The following TRIM43 variants were observed in gnomAD, a reference collection of about 807,000 sequenced individuals.
The protein encoded by TRIM43 is tripartite motif-containing protein 43.
Under a neutral mutation model 27.7 loss-of-function variants are expected in TRIM43, and 12 were observed. The ratio of observed to expected loss-of-function variants is 0.43; its 90% confidence interval spans 0.28 to 0.70. TRIM43 has a LOEUF of 0.70. TRIM43 is among the 30% of genes least tolerant of loss of function. TRIM43 has a pLI of 0.17. For missense variants in TRIM43, 186 were observed against 356.5 expected (o/e 0.52, Z 3.85); for synonymous variants, 64 against 121.9 (o/e 0.52, Z 3.13).
In TRIM43 at chr2:95,594,393, C is replaced by T; in HGVS notation, c.370C>T (p.His124Tyr). ...CTCCAACTCTCAGGAGCACGGGGCT[C>T]ACAAACACCATCCCATCGAAGAGGC... ...LCSNSQEHGA[H>Y]KHHPIEEAAE... The change falls in exon 2 of 7, where the codon CAC becomes TAC. Residue 124 changes from histidine (H) to tyrosine (Y), a missense_variant. His to Tyr is a moderately conservative substitution (Grantham distance 83). This residue lies in a region of TRIM43 where 91 missense variants were observed against 119.3 expected (regional missense o/e 0.76). Coordinates refer to ENST00000272395, the MANE Select transcript of TRIM43 (RefSeq NM_138800.3). 6 of 1,610,956 alleles carry T rather than the reference C, an allele frequency of 3.7e-6. No individual in the cohort carries two copies. Among genetic ancestry groups the T allele is most frequent in the Middle Eastern group, 2.3e-4 (1 of 4,438 alleles).
chr2:95,595,162 G>T lies in TRIM43; in HGVS notation c.507+17G>T. 3 of 1,596,796 alleles carry T rather than the reference G, an allele frequency of 1.9e-6. No homozygotes were observed. The highest frequency in any genetic ancestry group is 2.6e-6 in the Non-Finnish European group (3 of 1,169,672). On this transcript the variant is annotated intron_variant, in intron 3 of 6. Transcript: ENST00000272395. ...CTCTGGAGGGTAAGTATGAGACCGT[G>T]AGTCCTCCTGACCAGCTTGAGACAG...
Position 95,596,189 on chromosome 2 carries a change from C to T in TRIM43, c.508-13C>T. 1.2e-6 allele frequency: 2 copies of T among 1,608,748 alleles called. No individual in the cohort carries two copies. Among genetic ancestry groups the T allele is most frequent in the Non-Finnish European group, 1.7e-6 (2 of 1,178,006 alleles). On this transcript the variant is annotated splice_polypyrimidine_tract_variant and intron_variant, in intron 3 of 6. Transcript: ENST00000272395. ...GCCTGGGTATATAACCTACAAAATTCATATCCCTACAGGGCAATGTGGTTT... is the reference window on the plus strand; with the variant it reads ...GCCTGGGTATATAACCTACAAAATTTATATCCCTACAGGGCAATGTGGTTT...
intron 1 of TRIM43, among the ~76,000 whole-genome samples, chr2:95,593,045 C>T (rs570255942): frequency 1.3e-5 from 2 of 151,678 alleles, no homozygotes; most frequent in African/African-American, 4.8e-5. Context: ...TACAGGCGTC[C>T]TCCACCACTC....
chr2:95,595,782 G>A (rs1685345970), intron 3 of TRIM43, among the ~76,000 whole-genome samples: 1 of 151,324 alleles, frequency 6.6e-6, no homozygotes, highest in African/African-American at 2.4e-5. Flanking sequence ...TTGAGAGATG[G>A]GGGTTAAATT....
At chr2:95,595,404 T>C (rs536379820) in intron 3 of TRIM43, among the ~76,000 whole-genome samples, 59 of 151,814 alleles carry the variant, frequency 3.9e-4, no homozygotes, top group African/African-American at 1.2e-3. Flanking sequence ...GAGTTTTCTG[T>C]ATAAAATTAA....
rs772296746 is a variant in TRIM43 at position 95,594,275 on chromosome 2, A to G, written c.252A>G (p.Gln84=). 4 of 1,608,672 alleles carry G rather than the reference A, an allele frequency of 2.5e-6. No homozygotes were observed. In the African/African-American group the frequency reaches 4.0e-5, roughly 16 times the overall value. ...VTIARKASLW[Q]FLSSEKQICG... ...TTGCCAGAAAAGCCAGTCTCTGGCA[A>G]TTCCTGAGCTCTGAGAAACAAATAT... Residue 84 remains glutamine, a synonymous_variant, in exon 2 of 7, where the codon CAA becomes CAG. Transcript: ENST00000272395.
rs939457559 is a variant in TRIM43, at chr2:95,596,249, G to A, written c.555G>A (p.Lys185=). The change falls in exon 4 of 7, where the codon AAG becomes AAA. Residue 185 remains lysine (K), a synonymous_variant. Coordinates refer to ENST00000272395, the MANE Select transcript of TRIM43 (RefSeq NM_138800.3). ...AGATGATCAGGAATGAGTATAGGAA[G>A]CTGCATCCGGTTCTCCATAAGGAAG... ...RAQMIRNEYR[K]LHPVLHKEEK... is the part of the protein sequence containing the mutation. 20 of 1,610,956 alleles carry A rather than the reference G, an allele frequency of 1.2e-5. 2 individuals carry two copies. Among genetic ancestry groups the A allele is most frequent in the Non-Finnish European group, 1.5e-5 (18 of 1,178,764 alleles).
rs1352195676 is a variant in TRIM43, at chr2:95,594,458, C to T, written c.411+24C>T. 3 of 1,604,924 alleles carry T rather than the reference C, an allele frequency of 1.9e-6. No homozygotes were observed. In the South Asian group the frequency reaches 3.4e-5, roughly 18 times the overall value. ...GGGTAAGAGATAGCTCTGTGATCACCTGAAAGCTGGAGGGTGGCAGAGTTA... is the reference window on the plus strand; with the variant it reads ...GGGTAAGAGATAGCTCTGTGATCACTTGAAAGCTGGAGGGTGGCAGAGTTA... On this transcript the variant is annotated intron_variant, in intron 2 of 6. Coordinates refer to ENST00000272395, the MANE Select transcript of TRIM43 (RefSeq NM_138800.3).
In TRIM43 at chr2:95,599,595, G is replaced by C. The variant is rs1685370364; in HGVS notation, c.*22G>C. On this transcript the variant is annotated 3_prime_UTR_variant, in exon 7 of 7. Transcript: ENST00000272395. ...ATGATCAGGATTAAGAAAACTTACT[G>C]TTTGGGAACTCCATATACAAGGGAG... 8.9e-7 allele frequency: 1 copy of C among 1,125,958 alleles called. No homozygotes were observed. The highest frequency in any genetic ancestry group is 3.3e-5 in the Admixed American group (1 of 30,092). 69.7% of individuals were successfully genotyped at this position (1,125,958 alleles called of 1,614,324 possible).
At chr2:95,593,953 C>T in intron 1 of TRIM43, 67 bp from the exon 2 acceptor site, 2 of 1,550,028 alleles carry the variant, frequency 1.3e-6, no homozygotes, top group Non-Finnish European at 1.7e-6. Flanking sequence ...CGATCTGATT[C>T]AAACTTTGCT....
Position 95,592,021 on chromosome 2 carries a change from G to A in TRIM43, c.-133G>A, listed in dbSNP as rs889652495. 6.6e-6 allele frequency: 1 copy of A among 151,138 alleles called. No homozygotes were observed. Among genetic ancestry groups the A allele is most frequent in the African/African-American group, 2.4e-5 (1 of 41,068 alleles). 9.4% of individuals were successfully genotyped at this position (151,138 alleles called of 1,614,324 possible). A position where few individuals can be genotyped will look rare whatever the true frequency, so the allele number is the denominator to read the frequency against. ...AGCTCATTCTTCTCCAGAGCCCACAGAGTAGCTTTGCAACTGGCTTTGGGG... is the reference window on the plus strand; with the variant it reads ...AGCTCATTCTTCTCCAGAGCCCACAAAGTAGCTTTGCAACTGGCTTTGGGG... On this transcript the variant is annotated 5_prime_UTR_variant, in exon 1 of 7. Transcript: ENST00000272395.
At chr2:95,592,702 G>T (rs1166064178) in intron 1 of TRIM43, among the ~76,000 whole-genome samples, 2 of 150,350 alleles carry the variant, frequency 1.3e-5, no homozygotes, top group Non-Finnish European at 3.0e-5. Flanking sequence ...AGTATTTTTA[G>T]AGACAGGATG....
chr2:95,592,975 C>G (rs1225731898), intron 1 of TRIM43, among the ~76,000 whole-genome samples: 1 of 151,528 alleles, frequency 6.6e-6, no homozygotes, highest in Non-Finnish European at 1.5e-5. Context: ...CGGCTCACTG[C>G]AAGCTCCGCC....
At chr2:95,594,472 G>A (rs1685318901) in intron 2 of TRIM43, 38 bp downstream of exon 2, 1 of 1,597,900 alleles carries the variant, frequency 6.3e-7, no homozygotes, top group South Asian at 1.1e-5. Context: ...AAGCTGGAGG[G>A]TGGCAGAGTT....
At position 95,594,186 on chromosome 2, in the gene TRIM43, T is replaced by G. The variant is rs369223046; in HGVS notation, c.163T>G (p.Cys55Gly). 1 of 1,611,404 alleles carries G rather than the reference T, an allele frequency of 6.2e-7. No individual in the cohort carries two copies. The highest frequency in any genetic ancestry group is 8.5e-7 in the Non-Finnish European group (1 of 1,178,656). ...CCAAAGTCCTGCAAACTGCCCTGCA[T>G]GCAGGGAACCATCACCGAAAATGGA... is the stretch of plus-strand genomic sequence containing the variant. The part of the protein sequence containing the change: ...EAQSPANCPA[C>G]REPSPKMDFK... Residue 55 changes from cysteine to glycine, a missense_variant, in exon 2 of 7, where the codon TGC becomes GGC. Transcript: ENST00000272395.
chr2:95,596,161 T>C (rs1489325354), intron 3 of TRIM43, 41 bp from the exon 4 acceptor site: 10 of 1,601,324 alleles, frequency 6.2e-6, no homozygotes, highest in Non-Finnish European at 7.7e-6. Context: ...GAGGTGGAAG[T>C]AGGCCTGGGT....
intron 3 of TRIM43, among the ~76,000 whole-genome samples, chr2:95,595,506 A>G (rs1019989917): frequency 6.6e-6 from 1 of 151,380 alleles, no homozygotes; most frequent in African/African-American, 2.4e-5. Context: ...ATCGGGTGGG[A>G]ACAGTAATTT....
rs763305731 is a variant in TRIM43 at position 95,595,023 on chromosome 2, T to C, written c.412-27T>C. 6.3e-6 allele frequency: 10 copies of C among 1,599,676 alleles called. No homozygotes were observed. The African/African-American group carries it at 9.4e-5, about 15-fold the overall frequency. ...GGAATCTTTGGCATTTGACTTTCTGTTGTTCAACCTTGTAATTCTTTTGCA... is the reference window on the plus strand; with the variant it reads ...GGAATCTTTGGCATTTGACTTTCTGCTGTTCAACCTTGTAATTCTTTTGCA... On this transcript the variant is annotated intron_variant, in intron 2 of 6. Transcript: ENST00000272395.
chr2:95,592,659 C>T (rs929859401), intron 1 of TRIM43, among the ~76,000 whole-genome samples: 4 of 151,406 alleles, frequency 2.6e-5, no homozygotes, highest in African/African-American at 9.7e-5. Context: ...GCCTGAGCCA[C>T]CGCGCCCGGC....
Sources: allele counts gnomAD v4.1 joint callset (sites outside exome capture counted in the v4.1 genomes callset), GRCh38; gene constraint gnomAD v4.1.1; regional missense constraint gnomAD v4.1.1; transcripts MANE v1.5; gene names NCBI Gene and HGNC (gene_info 2026-07-23, HGNC 2026-07-21).